The following PDZD8 variants were observed in gnomAD, a reference collection of about 807,000 sequenced individuals.
The protein encoded by PDZD8 is PDZ domain-containing protein 8.
PDZD8 carries 14 observed loss-of-function variants against 85.8 expected under a neutral mutation model. That is an observed-to-expected ratio of 0.16 (90% CI 0.11 to 0.26). The LOEUF (loss-of-function observed/expected upper bound fraction) is 0.26, where lower values mean the gene tolerates loss of function less well. PDZD8 is among the 10% of genes least tolerant of loss of function. The pLI, the probability that PDZD8 is intolerant of heterozygous loss-of-function variation, is 1.00. For missense variants in PDZD8, 1,197 were observed against 1,424.3 expected (o/e 0.84, Z 2.57); for synonymous variants, 592 against 568.6 (o/e 1.04, Z -0.59).
intron 3 of PDZD8, among the ~76,000 whole-genome samples, chr10:117,306,044 G>C (rs1424626625): frequency 2.6e-5 from 4 of 152,158 alleles, no homozygotes; most frequent in African/African-American, 9.7e-5. Flanking sequence ...CTAGGTACAG[G>C]TACGTCTGTT....
At chr10:117,348,914 A>C (rs1844753086) in intron 1 of PDZD8, among the ~76,000 whole-genome samples, 1 of 152,240 alleles carries the variant, frequency 6.6e-6, no homozygotes, top group Non-Finnish European at 1.5e-5. Context: ...AGTCTGAAGG[A>C]GCCTGACAAA....
chr10:117,309,264 A>G (rs1335526238), intron 3 of PDZD8, among the ~76,000 whole-genome samples: 8 of 152,102 alleles, frequency 5.3e-5, no homozygotes, highest in Admixed American at 5.2e-4. Context: ...TTCTTACTAC[A>G]ATACTGTGAA....
chr10:117,308,024 TTC>T (rs1241250308), intron 3 of PDZD8, among the ~76,000 whole-genome samples: 2 of 152,132 alleles, frequency 1.3e-5, no homozygotes, highest in African/African-American at 4.8e-5. Context: ...CTTTAAAACT[TTC>T]TGTTATTAAT....
chr10:117,365,011 A>C (rs908204035), intron 1 of PDZD8, among the ~76,000 whole-genome samples: 11 of 152,150 alleles, frequency 7.2e-5, no homozygotes, highest in Non-Finnish European at 1.5e-4. Context: ...ATGCTTGAGC[A>C]TACAGTTAGG....
intron 4 of PDZD8, among the ~76,000 whole-genome samples, chr10:117,286,027 C>T (rs897235610): frequency 5.3e-5 from 8 of 152,176 alleles, no homozygotes; most frequent in African/African-American, 1.7e-4. Flanking sequence ...ATCAACCGTA[C>T]CCATCACATT....
intron 2 of PDZD8, among the ~76,000 whole-genome samples, chr10:117,334,395 G>C (rs1844480512): frequency 1.3e-5 from 2 of 152,174 alleles, no homozygotes; most frequent in African/African-American, 4.8e-5. Flanking sequence ...TGTGGTCCCA[G>C]CTACTTGGGA....
rs7081659 is a variant in PDZD8 at position 117,375,007 on chromosome 10, G to A, written c.221C>T (p.Pro74Leu). ...GRDEEPSGAAPEGGATPTAAP... is the reference protein window; with the variant it reads ...GRDEEPSGAALEGGATPTAAP... ...CGCGGTGGGGGTCGCGCCGCCCTCAGGGGCCGCTCCGGAGGGCTCCTCATC... is the reference window on the plus strand; with the variant it reads ...CGCGGTGGGGGTCGCGCCGCCCTCAAGGGCCGCTCCGGAGGGCTCCTCATC... The change falls in exon 1 of 5, where the codon CCT becomes CTT. Residue 74 changes from proline (P) to leucine (L), a missense_variant. This residue lies in a region of PDZD8 where 172 missense variants were observed against 137.8 expected (regional missense o/e 1.25). Transcript: ENST00000334464. The A allele has an allele frequency of 1.3e-6, 2 of 1,588,504 alleles. No individual in the cohort carries two copies. The highest frequency in any genetic ancestry group is 1.1e-5 in the South Asian group (1 of 89,122).
intron 2 of PDZD8, among the ~76,000 whole-genome samples, chr10:117,320,845 T>C (rs903174271): frequency 9.2e-5 from 14 of 152,012 alleles, no homozygotes; most frequent in Non-Finnish European, 1.6e-4. Context: ...AATTTTAAAA[T>C]GGGCAAGGAA....
At chr10:117,300,837 A>G (rs546756889) in intron 3 of PDZD8, among the ~76,000 whole-genome samples, 1 of 152,280 alleles carries the variant, frequency 6.6e-6, no homozygotes, top group African/African-American at 2.4e-5. Context: ...CTATGAATCA[A>G]GAAGCCAGCA....
chr10:117,333,405 T>A (rs977539758), intron 2 of PDZD8, among the ~76,000 whole-genome samples: 5 of 152,162 alleles, frequency 3.3e-5, no homozygotes, highest in African/African-American at 1.2e-4. Context: ...ATCTTCAGAT[T>A]TAGCTAGATA....
At position 117,344,638 on chromosome 10, in the gene PDZD8, C is replaced by T. The variant is rs535277944; in HGVS notation, c.873-3536G>A. Among the ~76,000 whole-genome samples, 260 of 152,282 alleles carry T rather than the reference C, an allele frequency of 1.7e-3. 1 individual carries two copies. Among genetic ancestry groups the T allele is most frequent in the South Asian group, 0.014 (68 of 4,826 alleles). ...TCCTGACCTCGTGATCTGCCCACCT[C>T]GGCCTCCCAAAGTGCTGGGATTACA... On this transcript the variant is annotated intron_variant, in intron 1 of 4. Transcript: ENST00000334464.
chr10:117,289,831 G>A (rs1476614421), intron 4 of PDZD8, among the ~76,000 whole-genome samples: 2 of 152,180 alleles, frequency 1.3e-5, no homozygotes, highest in Non-Finnish European at 2.9e-5. Context: ...AGTAGCAATG[G>A]TGGTAGTCGT....
chr10:117,327,832 G>T (rs1844344024), intron 2 of PDZD8, among the ~76,000 whole-genome samples: 1 of 152,012 alleles, frequency 6.6e-6, no homozygotes, highest in South Asian at 2.1e-4. Flanking sequence ...CTGATTTTTA[G>T]ATTACTTTTT....
rs1181544413 is a variant in PDZD8, at chr10:117,306,701, T to G, written c.1098+12171A>C. On this transcript the variant is annotated intron_variant, in intron 3 of 4. Transcript: ENST00000334464. Reference sequence around the variant, plus strand: ...AGGTTTTTTTTTAAAAAATTACTTTTTTATCTTGAAATAATTTCAACCTTA... The same window carrying G: ...AGGTTTTTTTTTAAAAAATTACTTTGTTATCTTGAAATAATTTCAACCTTA... Among the ~76,000 whole-genome samples, 7 of 152,098 alleles carry G rather than the reference T, an allele frequency of 4.6e-5. No homozygotes were observed. In the East Asian group the frequency reaches 1.3e-3, roughly 29 times the overall value.
intron 1 of PDZD8, among the ~76,000 whole-genome samples, chr10:117,347,276 C>A (rs1200557625): frequency 1.3e-5 from 2 of 152,188 alleles, no homozygotes; most frequent in African/African-American, 4.8e-5. Context: ...TACCTGAAGG[C>A]TTCCTCTGTA....
chr10:117,324,126 G>C (rs987383404), intron 2 of PDZD8, among the ~76,000 whole-genome samples: 128 of 149,958 alleles, frequency 8.5e-4, no homozygotes, highest in African/African-American at 3.0e-3. Context: ...CACTCAAGAG[G>C]CTGAGAGAGG....
intron 2 of PDZD8, among the ~76,000 whole-genome samples, chr10:117,322,765 T>C (rs1487889103): frequency 6.6e-6 from 1 of 152,154 alleles, no homozygotes; most frequent in Admixed American, 6.5e-5. Flanking sequence ...TAAGAGCTAT[T>C]AGAGCAACCC....
intron 3 of PDZD8, among the ~76,000 whole-genome samples, chr10:117,293,242 T>G (rs983333811): frequency 1.3e-5 from 2 of 152,094 alleles, no homozygotes; most frequent in African/African-American, 4.8e-5. Flanking sequence ...TACAATGATA[T>G]ATAATATATA....
At chr10:117,321,290 T>C (rs1232721022) in intron 2 of PDZD8, among the ~76,000 whole-genome samples, 1 of 152,162 alleles carries the variant, frequency 6.6e-6, no homozygotes, top group East Asian at 1.9e-4. Flanking sequence ...GTCATATCCA[T>C]ATAATGAAAT....
Sources: gnomAD v4.1 joint callset for allele counts (sites outside exome capture counted in the v4.1 genomes callset) on GRCh38, gnomAD v4.1.1 for gene constraint, gnomAD v4.1.1 regional missense constraint, MANE v1.5 for transcripts, NCBI Gene and HGNC (gene_info 2026-07-23, HGNC 2026-07-21) for gene names.